The following NFIB variants were observed in gnomAD, a reference collection of about 807,000 sequenced individuals.
NFIB encodes the protein nuclear factor I B.
NFIB carries 11 observed loss-of-function variants against 61.5 expected under a neutral mutation model. The ratio of observed to expected loss-of-function variants is 0.18; its 90% confidence interval spans 0.11 to 0.30. The LOEUF (loss-of-function observed/expected upper bound fraction) is 0.30. Among genes scored for constraint, NFIB ranks in the 10% least tolerant of loss-of-function variants. The pLI, the probability that NFIB is intolerant of heterozygous loss-of-function variation, is 1.00. For synonymous variants in NFIB, 260 were observed against 216.5 expected, an observed-to-expected ratio of 1.20 and a Z score of -1.76; for missense variants, 471 against 608.9, an observed-to-expected ratio of 0.77 and a Z score of 2.38.
chr9:14,388,805 C>G (rs761572846), intron 1 of NFIB, among the ~76,000 whole-genome samples: 2 of 152,136 alleles, frequency 1.3e-5, no homozygotes, highest in African/African-American at 2.4e-5. Flanking sequence ...TGTGTTCAAT[C>G]TAGGTAGTAA....
At chr9:14,287,912 T>C (rs533482160) in intron 2 of NFIB, among the ~76,000 whole-genome samples, 7 of 152,112 alleles carry the variant, frequency 4.6e-5, no homozygotes, top group Non-Finnish European at 8.8e-5. Flanking sequence ...TATTTTAGTC[T>C]GACAATAAAA....
intron 2 of NFIB, among the ~76,000 whole-genome samples, chr9:14,221,768 C>T (rs1199554074): frequency 6.6e-6 from 1 of 152,242 alleles, no homozygotes; most frequent in East Asian, 1.9e-4. Context: ...ATTGAGCAAG[C>T]TGCCCTTCTT....
At chr9:14,098,337 G>C (rs1284639612) in intron 10 of NFIB, among the ~76,000 whole-genome samples, 1 of 152,128 alleles carries the variant, frequency 6.6e-6, no homozygotes, top group African/African-American at 2.4e-5. Flanking sequence ...AGGGGTGAAG[G>C]GAGAGAAGAG....
rs569119599 is a variant in NFIB at position 14,356,655 on chromosome 9, T to G, written c.108+41869A>C. Among the ~76,000 whole-genome samples the G allele has an allele frequency of 2.6e-5, 4 of 152,192 alleles. No individual in the cohort carries two copies. In the South Asian group the frequency reaches 8.3e-4, roughly 32 times the overall value. On this transcript the variant is annotated intron_variant, in intron 1 of 8. Transcript: ENST00000380934. ...ACTCCTCTCTTGCACTCCACCAGTT[T>G]CAGGATTATTAAGGGGTCCTCAGCT...
the NFIB span, among the ~76,000 whole-genome samples, chr9:14,529,742 C>G: frequency 1.3e-5 from 2 of 152,110 alleles, no homozygotes; most frequent in African/African-American, 2.4e-5. Flanking sequence ...ACAGAATGGT[C>G]CCAATAAGAA....
At chr9:14,280,366 T>C (rs2058289124) in intron 2 of NFIB, among the ~76,000 whole-genome samples, 1 of 152,066 alleles carries the variant, frequency 6.6e-6, no homozygotes, top group South Asian at 2.1e-4. Context: ...CACACACACA[T>C]TCAAGTGTTT....
At chr9:14,308,200 G>C (rs1360941388) in intron 1 of NFIB, 2 of 152,202 alleles carry the variant, frequency 1.3e-5, no homozygotes, top group East Asian at 1.9e-4. Context: ...GTGGTAACTA[G>C]AGAAACCGGT....
Position 14,125,720 on chromosome 9 carries a change from G to C in NFIB, c.972C>G (p.Phe324Leu), listed in dbSNP as rs1484059697. ...TTMKKPEKPL[F>L]SSASPQDSSP... Reference sequence around the variant, plus strand: ...AAGAATCCTGTGGAGATGCAGAGCTGAACAATGGCTTTTCAGGCTTCTTCA... The same window carrying C: ...AAGAATCCTGTGGAGATGCAGAGCTCAACAATGGCTTTTCAGGCTTCTTCA... The change falls in exon 7 of 11, where the codon TTC (phenylalanine) becomes TTG (leucine). Residue 324 changes from phenylalanine (F) to leucine (L), a missense_variant. This residue lies in a region of NFIB where 372 missense variants were observed against 395.6 expected (regional missense o/e 0.94). Coordinates refer to ENST00000380953, the MANE Select transcript of NFIB (RefSeq NM_001190737.2). 6.2e-7 allele frequency: 1 copy of C among 1,614,138 alleles called. No homozygotes were observed. Among genetic ancestry groups the C allele is most frequent in the Non-Finnish European group, 8.5e-7 (1 of 1,179,998 alleles).
chr9:14,207,155 T>A (rs138979725), intron 2 of NFIB, among the ~76,000 whole-genome samples: 1 of 152,196 alleles, frequency 6.6e-6, no homozygotes, highest in Admixed American at 6.5e-5. Flanking sequence ...CATTTTCAGA[T>A]GAGAAAACTT....
intron 2 of NFIB, among the ~76,000 whole-genome samples, chr9:14,296,234 A>G (rs914732626): frequency 6.6e-6 from 1 of 152,214 alleles, no homozygotes; most frequent in Non-Finnish European, 1.5e-5. Flanking sequence ...AATTGCTATT[A>G]TTAACATTAT....
At chr9:14,455,255 T>G in the NFIB span, among the ~76,000 whole-genome samples, 1 of 152,254 alleles carries the variant, frequency 6.6e-6, no homozygotes, top group African/African-American at 2.4e-5. Flanking sequence ...CACAGAAATT[T>G]GGGGTTTAAT....
At chr9:14,493,902 A>T in the NFIB span, among the ~76,000 whole-genome samples, 13,996 of 152,268 alleles carry the variant, frequency 0.092, 794 homozygotes, top group South Asian at 0.23. Context: ...TGGAAGTGGC[A>T]GAATCAGAGA....
At chr9:14,213,680 T>C (rs1563908170) in intron 2 of NFIB, among the ~76,000 whole-genome samples, 1 of 152,144 alleles carries the variant, frequency 6.6e-6, no homozygotes. Flanking sequence ...CCATAGCCCT[T>C]AGCATAAAGT....
At chr9:14,177,570 TAAATA>T (rs1296967029) in intron 3 of NFIB, among the ~76,000 whole-genome samples, 1 of 152,118 alleles carries the variant, frequency 6.6e-6, no homozygotes, top group East Asian at 1.9e-4. Context: ...TCTGGATAAT[TAAATA>T]AAATTCTAAT....
chr9:14,213,771 T>C (rs538060163), intron 2 of NFIB, among the ~76,000 whole-genome samples: 1 of 152,302 alleles, frequency 6.6e-6, no homozygotes, highest in South Asian at 2.1e-4. Flanking sequence ...TTCTGGGCCT[T>C]TCCTGATACC....
At chr9:14,142,994 A>G (rs952998197) in intron 6 of NFIB, among the ~76,000 whole-genome samples, 43 of 152,212 alleles carry the variant, frequency 2.8e-4, no homozygotes, top group African/African-American at 9.9e-4. Context: ...AAAAATATAA[A>G]TACTACATAA....
chr9:14,252,575 A>C (rs1166137802), intron 2 of NFIB, among the ~76,000 whole-genome samples: 1 of 152,188 alleles, frequency 6.6e-6, no homozygotes, highest in African/African-American at 2.4e-5. Context: ...TATGTAAAAG[A>C]AAAAGAACTG....
chr9:14,106,300 A>C (rs1260819649), intron 10 of NFIB, among the ~76,000 whole-genome samples: 2 of 152,158 alleles, frequency 1.3e-5, no homozygotes, highest in Non-Finnish European at 2.9e-5. Context: ...ACTCATATAA[A>C]TCATTTTAAT....
chr9:14,139,354 C>G (rs780491633), intron 6 of NFIB, among the ~76,000 whole-genome samples: 11 of 152,204 alleles, frequency 7.2e-5, no homozygotes, highest in African/African-American at 1.2e-4. Context: ...TCAAATGACA[C>G]TGGCTTTCCA....
Sources: allele counts gnomAD v4.1 joint callset (sites outside exome capture counted in the v4.1 genomes callset), GRCh38; gene constraint gnomAD v4.1.1; regional missense constraint gnomAD v4.1.1; transcripts MANE v1.5; gene names NCBI Gene and HGNC (gene_info 2026-07-23, HGNC 2026-07-21).